Variants in RIGI observed in about 807,000 individuals in gnomAD.
The protein encoded by RIGI is RNA sensor RIG-I, also known as antiviral innate immune response receptor RIG-I.
chr9:32,464,591 G>A, the RIGI span, among the ~76,000 whole-genome samples: 5 of 151,958 alleles, frequency 3.3e-5, no homozygotes, highest in Non-Finnish European at 5.9e-5. Flanking sequence ...GGGTTTCACC[G>A]TGGTCTCAAT....
the RIGI span, among the ~76,000 whole-genome samples, chr9:32,524,795 G>A: frequency 6.6e-6 from 1 of 151,792 alleles, no homozygotes; most frequent in South Asian, 2.1e-4. Flanking sequence ...TAGAGACGGG[G>A]TTTCACCATA....
chr9:32,472,355 C>T, the RIGI span, among the ~76,000 whole-genome samples: 319 of 152,330 alleles, frequency 2.1e-3, 2 homozygotes, highest in African/African-American at 6.9e-3. Flanking sequence ...GCAATGTCTA[C>T]AAGGAAAGAG....
the RIGI span, chr9:32,498,461 G>T: frequency 7.1e-6 from 3 of 423,684 alleles, no homozygotes; most frequent in South Asian, 4.8e-5. Context: ...TTCCCAGCCT[G>T]TCAAAATGGC....
chr9:32,472,296 A>G, the RIGI span, among the ~76,000 whole-genome samples: 3 of 152,254 alleles, frequency 2.0e-5, no homozygotes, highest in Admixed American at 6.5e-5. Flanking sequence ...GCGTGCAAGC[A>G]TGACTTAAAA....
the RIGI span, among the ~76,000 whole-genome samples, chr9:32,482,190 T>C: frequency 7.3e-6 from 1 of 136,444 alleles, no homozygotes; most frequent in Admixed American, 7.0e-5. Flanking sequence ...TGTTTGTTTG[T>C]GTGTGTGTGT....
the RIGI span, chr9:32,466,449 AAAAT>A: frequency 2.5e-6 from 4 of 1,590,142 alleles, no homozygotes; most frequent in Non-Finnish European, 1.7e-6. Flanking sequence ...TGCCTATTAG[AAAAT>A]AAATATTTTA....
chr9:32,523,877 T>C, the RIGI span, among the ~76,000 whole-genome samples: 63 of 151,994 alleles, frequency 4.1e-4, no homozygotes, highest in Non-Finnish European at 7.1e-4. Context: ...TCAAGTTTCA[T>C]CTCTCTGAAC....
chr9:32,469,195 A>C, the RIGI span, among the ~76,000 whole-genome samples: 1 of 152,170 alleles, frequency 6.6e-6, no homozygotes, highest in African/African-American at 2.4e-5. Context: ...ATAAGTGAGC[A>C]GAGCCCCCAC....
the RIGI span, chr9:32,491,420 C>G: frequency 6.2e-7 from 1 of 1,602,388 alleles, no homozygotes; most frequent in Non-Finnish European, 8.5e-7. Flanking sequence ...ATCTTTTATA[C>G]CTTTTTAAGA....
the RIGI span, chr9:32,487,337 T>C: frequency 1.2e-6 from 1 of 855,402 alleles, no homozygotes; most frequent in Non-Finnish European, 1.8e-6. Flanking sequence ...ATGTGACTGT[T>C]ACTCAAGTTC....
the RIGI span, among the ~76,000 whole-genome samples, chr9:32,504,999 AATAT>A: frequency 1.6e-5 from 2 of 122,770 alleles, no homozygotes; most frequent in Non-Finnish European, 3.6e-5. Flanking sequence ...TTTTATATAT[AATAT>A]ATATGTTTAA....
At chr9:32,488,674 GA>G in the RIGI span, 1 of 1,449,604 alleles carries the variant, frequency 6.9e-7, no homozygotes, top group Non-Finnish European at 9.1e-7. Flanking sequence ...AAACAAAACA[GA>G]AAACACATCA....
the RIGI span, among the ~76,000 whole-genome samples, chr9:32,457,973 C>T: frequency 6.6e-6 from 1 of 152,188 alleles, no homozygotes; most frequent in Admixed American, 6.5e-5. Flanking sequence ...GTAGAACAAT[C>T]ACCCAAATTG....
the RIGI span, chr9:32,457,389 A>C: frequency 6.2e-7 from 1 of 1,614,052 alleles, no homozygotes. Context: ...ATTCCTTAAA[A>C]GCATCTCCAA....
chr9:32,515,317 C>CAAAAA, the RIGI span, among the ~76,000 whole-genome samples: 2 of 111,260 alleles, frequency 1.8e-5, no homozygotes, highest in African/African-American at 3.6e-5. Flanking sequence ...GACTCTGTCT[C>CAAAAA]AAAAAAAAAA....
the RIGI span, among the ~76,000 whole-genome samples, chr9:32,521,956 T>C: frequency 0.16 from 25,054 of 152,188 alleles, 2,133 homozygotes; most frequent in Middle Eastern, 0.3. Flanking sequence ...TATAATCAGA[T>C]ATAGTCCAGA....
the RIGI span, chr9:32,480,209 C>T: frequency 6.3e-7 from 1 of 1,588,962 alleles, no homozygotes; most frequent in Non-Finnish European, 8.6e-7. Context: ...CCTCTGAAAA[C>T]ACCACTCACC....
At chr9:32,511,419 T>G in the RIGI span, among the ~76,000 whole-genome samples, 1 of 152,122 alleles carries the variant, frequency 6.6e-6, no homozygotes, top group African/African-American at 2.4e-5. Context: ...GAACTGAGGA[T>G]TAAGAAACTC....
the RIGI span, among the ~76,000 whole-genome samples, chr9:32,465,820 T>TA: frequency 6.6e-6 from 1 of 152,228 alleles, no homozygotes; most frequent in Admixed American, 6.5e-5. Flanking sequence ...GTTTCTGTGT[T>TA]ACGGAAATTA....
Sources: allele counts gnomAD v4.1 joint callset (sites outside exome capture counted in the v4.1 genomes callset), GRCh38; gene constraint gnomAD v4.1.1; transcripts MANE v1.5; gene names NCBI Gene and HGNC (gene_info 2026-07-23, HGNC 2026-07-21).